Variants in ZNF793 observed in about 807,000 individuals in gnomAD.
ZNF793 encodes zinc finger protein 793.
Under a neutral mutation model 12.4 loss-of-function variants are expected in ZNF793, and 5 were observed. The observed-to-expected ratio is 0.40, with a 90% CI of 0.21 to 0.84. The LOEUF (loss-of-function observed/expected upper bound fraction) is 0.84. Ranked by LOEUF, ZNF793 falls within the 40% of genes least tolerant of loss-of-function variation. The pLI is 0.35. For missense variants in ZNF793, 456 were observed against 495.0 expected (o/e 0.92, Z 0.75); for synonymous variants, 162 against 172.4 (o/e 0.94, Z 0.47).
At chr19:37,524,152 AAATAATAATAATAATAAT>A (rs200203820) in intron 5 of ZNF793, among the ~76,000 whole-genome samples, 101 of 138,942 alleles carry the variant, frequency 7.3e-4, no homozygotes, top group Admixed American at 3.2e-3. Context: ...CTCCATCTCA[AAATAATAATAATAATAAT>A]AATAATAATA....
chr19:37,537,856 TTAA>T lies in ZNF793; in HGVS notation c.1203_1205del (p.Ile402del). ...GAAGAATGCCTACAGGAATGAAAAC[TTAA>T]TAATTGTGGGAAATACTTGAGCAAA... On this transcript the variant is annotated inframe_deletion, in exon 8 of 8. Coordinates refer to ENST00000627814, the MANE Select transcript of ZNF793 (RefSeq NM_001013659.3). 2 of 1,594,552 alleles carry T rather than the reference TTAA, an allele frequency of 1.3e-6. No homozygotes were observed. The highest frequency in any genetic ancestry group is 1.7e-6 in the Non-Finnish European group (2 of 1,167,696).
At position 37,539,715 on chromosome 19, in the gene ZNF793, G is replaced by A. The variant is rs1215319511; in HGVS notation, c.*1836G>A. On this transcript the variant is annotated 3_prime_UTR_variant, in exon 8 of 8. Transcript: ENST00000627814. The stretch of plus-strand genomic sequence containing the variant: ...TATTTTTTAAAAAGAGGAGGTGGAT[G>A]CTTTTCTAATAAACTTAAGTTATGA... 2 of 152,116 alleles carry A rather than the reference G, an allele frequency of 1.3e-5. No homozygotes were observed. The allele number at this position is 152,116 out of a possible 1,614,324, so 9.4% of individuals were successfully genotyped here.
chr19:37,523,569 G>T, intron 5 of ZNF793, 115 bp downstream of exon 5: 1 of 972,592 alleles, frequency 1.0e-6, no homozygotes. Context: ...GGTTCTCAGG[G>T]AAGCTGACTC....
chr19:37,511,156 C>G (rs1405793715), intron 2 of ZNF793, among the ~76,000 whole-genome samples: 1 of 152,170 alleles, frequency 6.6e-6, no homozygotes, highest in Non-Finnish European at 1.5e-5. Context: ...CCTTACTGGT[C>G]AATACCTACT....
chr19:37,519,596 A>G (rs1279556518), intron 2 of ZNF793, among the ~76,000 whole-genome samples: 1 of 152,228 alleles, frequency 6.6e-6, no homozygotes, highest in African/African-American at 2.4e-5. Context: ...CAAAGGATTA[A>G]TAGCCTCAAT....
rs1442911301 is a variant in ZNF793 at position 37,541,879 on chromosome 19, AAT to A, written c.*4003_*4004del. 1 of 152,204 alleles carries A rather than the reference AAT, an allele frequency of 6.6e-6. No individual in the cohort carries two copies. Among genetic ancestry groups the A allele is most frequent in the East Asian group, 1.9e-4 (1 of 5,194 alleles). 9.4% of individuals were successfully genotyped at this position (152,204 alleles called of 1,614,324 possible). A position where few individuals can be genotyped will look rare whatever the true frequency, so the allele number is the denominator to read the frequency against. On this transcript the variant is annotated 3_prime_UTR_variant, in exon 8 of 8. Coordinates refer to ENST00000627814, the MANE Select transcript of ZNF793 (RefSeq NM_001013659.3). ...AACCCAATAGCAAAATGTGGCAAAG[AAT>A]ATGAGTTGACAGTTGTGAGAAGAGC...
intron 2 of ZNF793, among the ~76,000 whole-genome samples, chr19:37,510,084 G>A (rs1203360937): frequency 2.0e-5 from 3 of 152,090 alleles, no homozygotes; most frequent in Non-Finnish European, 4.4e-5. Flanking sequence ...TGTTTGGCCA[G>A]GCACAGTGGC....
At chr19:37,522,406 C>T (rs1321377729) in intron 3 of ZNF793, 126 bp from the exon 4 acceptor site, 1 of 152,214 alleles carries the variant, frequency 6.6e-6, no homozygotes. Context: ...CCATGTTGGC[C>T]AGGCTGGTCT....
chr19:37,526,207 G>A (rs2042414326), intron 5 of ZNF793, among the ~76,000 whole-genome samples: 1 of 152,082 alleles, frequency 6.6e-6, no homozygotes, highest in Non-Finnish European at 1.5e-5. Flanking sequence ...TGAACTCCTG[G>A]GCTCAAGCGA....
intron 5 of ZNF793, among the ~76,000 whole-genome samples, chr19:37,532,053 G>T (rs2042466128): frequency 6.9e-6 from 1 of 145,006 alleles, no homozygotes; most frequent in Admixed American, 7.1e-5. Context: ...TCCTGCTCTA[G>T]CCCAGGCTGG....
At position 37,520,185 on chromosome 19, in the gene ZNF793, T is replaced by C. The variant is rs1007808442; in HGVS notation, c.-274T>C. The C allele has an allele frequency of 6.6e-6, 1 of 152,472 alleles. No individual in the cohort carries two copies. Among genetic ancestry groups the C allele is most frequent in the East Asian group, 1.9e-4 (1 of 5,192 alleles). 9.4% of individuals were successfully genotyped at this position (152,472 alleles called of 1,614,324 possible). On this transcript the variant is annotated splice_region_variant and 5_prime_UTR_variant, in exon 3 of 8. Transcript: ENST00000627814. Reference sequence around the variant, plus strand: ...ACCATGGGATCTGCTTATCTTCAGGTTCTCTGGGTGCCCTGCAGACCTTTG... The same window carrying C: ...ACCATGGGATCTGCTTATCTTCAGGCTCTCTGGGTGCCCTGCAGACCTTTG...
At position 37,532,468 on chromosome 19, in the gene ZNF793, A is replaced by G. The variant is rs2042469522; in HGVS notation, c.128A>G (p.Asn43Ser). ...GATGTGATGCTGGAAACCTATAGCA[A>G]CCTCGTCTCAGTGGGTAAGAACATC... ...YRDVMLETYS[N>S]LVSVGYEGTK... The change falls in exon 6 of 8, where the codon AAC becomes AGC. Residue 43 changes from asparagine to serine, a missense_variant. By Grantham distance (46) the Asn-to-Ser change is conservative (BLOSUM62 1). Transcript: ENST00000627814. The G allele has an allele frequency of 1.9e-6, 3 of 1,606,512 alleles. No individual in the cohort carries two copies. Among genetic ancestry groups the G allele is most frequent in the South Asian group, 1.1e-5 (1 of 90,522 alleles).
At chr19:37,529,231 C>G (rs34874723) in intron 5 of ZNF793, among the ~76,000 whole-genome samples, 2 of 152,142 alleles carry the variant, frequency 1.3e-5, no homozygotes, top group Admixed American at 1.3e-4. Context: ...AGGCATCATG[C>G]AATGTGAAAT....
intron 6 of ZNF793, 121 bp from the exon 7 acceptor site, chr19:37,533,187 C>T: frequency 1.3e-6 from 1 of 741,234 alleles, no homozygotes; most frequent in Non-Finnish European, 2.3e-6. Flanking sequence ...TGGTTCTGGA[C>T]AAGGTGTGTG....
chr19:37,536,763 A>T (rs888970519), intron 7 of ZNF793, 134 bp from the exon 8 acceptor site: 16 of 944,360 alleles, frequency 1.7e-5, no homozygotes, highest in African/African-American at 3.3e-5. Flanking sequence ...TACTCATAGA[A>T]CACTCTTCCC....
In ZNF793 at chr19:37,538,814, T is replaced by C. The variant is rs1356597139; in HGVS notation, c.*935T>C. Reference sequence around the variant, plus strand: ...ACAGTGAGCCATACAATCAGCATTATTTGTATTTTGGAGTTGTAAATGTGA... The same window carrying C: ...ACAGTGAGCCATACAATCAGCATTACTTGTATTTTGGAGTTGTAAATGTGA... On this transcript the variant is annotated 3_prime_UTR_variant, in exon 8 of 8. Coordinates refer to ENST00000627814, the MANE Select transcript of ZNF793 (RefSeq NM_001013659.3). 3 of 152,258 alleles carry C rather than the reference T, an allele frequency of 2.0e-5. No individual in the cohort carries two copies. The highest frequency in any genetic ancestry group is 4.4e-5 in the Non-Finnish European group (3 of 68,044). The allele number at this position is 152,258 out of a possible 1,614,324, so 9.4% of individuals were successfully genotyped here. A position where few individuals can be genotyped will look rare whatever the true frequency, so the allele number is the denominator to read the frequency against.
chr19:37,528,221 C>G (rs535562847), intron 5 of ZNF793, among the ~76,000 whole-genome samples: 2 of 152,272 alleles, frequency 1.3e-5, no homozygotes, highest in South Asian at 4.1e-4. Context: ...GAACTTCTGT[C>G]CTCTCCTATG....
intron 3 of ZNF793, among the ~76,000 whole-genome samples, chr19:37,521,666 C>T (rs2042377307): frequency 6.6e-6 from 1 of 151,558 alleles, no homozygotes; most frequent in South Asian, 2.1e-4. Flanking sequence ...TTGTCTCGAA[C>T]TCCCAACCTC....
rs538070272 is a variant in ZNF793, at chr19:37,538,072, C to T, written c.*193C>T. The T allele has an allele frequency of 3.8e-4, 220 of 574,228 alleles. No homozygotes were observed. Among genetic ancestry groups the T allele is most frequent in the Middle Eastern group, 2.9e-3 (6 of 2,038 alleles). 35.6% of individuals were successfully genotyped at this position (574,228 alleles called of 1,614,324 possible). A position where few individuals can be genotyped will look rare whatever the true frequency, so the allele number is the denominator to read the frequency against. On this transcript the variant is annotated 3_prime_UTR_variant, in exon 8 of 8. Transcript: ENST00000627814. ...GACTACAGGTGCCCACCACCATGCC[C>T]GGCTAATTTTTTTTTTGTATTTTTA...
Sources: allele counts gnomAD v4.1 joint callset (sites outside exome capture counted in the v4.1 genomes callset), GRCh38; gene constraint gnomAD v4.1.1; transcripts MANE v1.5; gene names NCBI Gene and HGNC (gene_info 2026-07-23, HGNC 2026-07-21).